Variants in DCAF16 observed in about 807,000 individuals in gnomAD.
DCAF16 encodes the protein DDB1 and CUL4 associated factor 16, also known as DDB1- and CUL4-associated factor 16.
A neutral mutation model predicts 17.3 loss-of-function variants in DCAF16; 10 were observed. The observed-to-expected ratio is 0.58, with a 90% confidence interval of 0.36 to 0.98. The LOEUF (loss-of-function observed/expected upper bound fraction) is 0.98, where lower values mean the gene tolerates loss of function less well. DCAF16 is among the 50% of genes least tolerant of loss of function. The probability of loss-of-function intolerance (pLI) is 0.01; values close to 1 mark genes in which losing one functional copy is unlikely to be tolerated. For synonymous variants in DCAF16, 111 were observed against 92.8 expected, an observed-to-expected ratio of 1.20 and a Z score of -1.12; for missense variants, 249 against 247.6, an observed-to-expected ratio of 1.01 and a Z score of -0.04.
Position 17,802,297 on chromosome 4 carries a change from A to G in DCAF16, c.*1194T>C, listed in dbSNP as rs1235879559. 1.3e-5 allele frequency: 2 copies of G among 152,738 alleles called. No homozygotes were observed. The highest frequency in any genetic ancestry group is 3.9e-4 in the East Asian group (2 of 5,186). The allele number at this position is 152,738 out of a possible 1,614,324, so 9.5% of individuals were successfully genotyped here. ...TGAAATGTTATTTACTCTTGACAAA[A>G]GTCTGAGTACCAAGATTCAGGAAAC... On this transcript the variant is annotated 3_prime_UTR_variant, in exon 3 of 3. Transcript: ENST00000382247.
chr4:17,794,746 T>C, the DCAF16 span, among the ~76,000 whole-genome samples: 2 of 152,224 alleles, frequency 1.3e-5, no homozygotes, highest in East Asian at 1.9e-4. Context: ...TAATTATAGC[T>C]GACAAGACTC....
chr4:17,801,144 T>G lies in DCAF16; in HGVS notation c.*2347A>C, dbSNP rs1345256390. On this transcript the variant is annotated 3_prime_UTR_variant, in exon 3 of 3. Coordinates refer to ENST00000382247, the MANE Select transcript of DCAF16 (RefSeq NM_017741.4). Reference sequence around the variant, plus strand: ...AATTTGTGATTCCTAACCTTTTTTTTTTTTGAGACGGTGTCTCACTGTTGC... The same window carrying G: ...AATTTGTGATTCCTAACCTTTTTTTGTTTTGAGACGGTGTCTCACTGTTGC... 6.6e-6 allele frequency: 1 copy of G among 152,174 alleles called. No individual in the cohort carries two copies. Among genetic ancestry groups the G allele is most frequent in the Non-Finnish European group, 1.5e-5 (1 of 68,044 alleles). The allele number at this position is 152,174 out of a possible 1,614,324, so 9.4% of individuals were successfully genotyped here.
downstream of DCAF16, among the ~76,000 whole-genome samples, chr4:17,799,532 A>G (rs1719595168): frequency 6.6e-6 from 1 of 152,258 alleles, no homozygotes; most frequent in Non-Finnish European, 1.5e-5. Context: ...TCCAAAAGAC[A>G]TATTCTCTAA....
In DCAF16 at chr4:17,803,467, G is replaced by A. The variant is rs1281414777; in HGVS notation, c.*24C>T. ...CACTTTCTCAATTAGCAACATCAGA[G>A]ATATCAGAGCAAATGGTAGATCTTT... On this transcript the variant is annotated 3_prime_UTR_variant, in exon 3 of 3. Transcript: ENST00000382247. 4 of 1,598,584 alleles carry A rather than the reference G, an allele frequency of 2.5e-6. No homozygotes were observed. Among genetic ancestry groups the A allele is most frequent in the East Asian group, 2.2e-5 (1 of 44,770 alleles).
At chr4:17,805,025 A>G (rs1720185092) in intron 2 of DCAF16, 82 bp downstream of exon 2, 3 of 152,002 alleles carry the variant, frequency 2.0e-5, no homozygotes, top group Admixed American at 2.0e-4. Flanking sequence ...TAGCCTAGAA[A>G]ATTACTTTTG....
At chr4:17,808,617 A>C (rs995465428) in intron 1 of DCAF16, among the ~76,000 whole-genome samples, 1 of 152,122 alleles carries the variant, frequency 6.6e-6, no homozygotes, top group South Asian at 2.1e-4. Flanking sequence ...AACAAAACAA[A>C]AAAAAAAACT....
chr4:17,808,739 G>GAAAT (rs1330536422), intron 1 of DCAF16, among the ~76,000 whole-genome samples: 1 of 152,180 alleles, frequency 6.6e-6, no homozygotes, highest in Non-Finnish European at 1.5e-5. Context: ...ATATAGTAAA[G>GAAAT]AAATACTAGC....
At position 17,801,928 on chromosome 4, in the gene DCAF16, C is replaced by T. The variant is rs1407823937; in HGVS notation, c.*1563G>A. ...ACCATCCTGGCTAACACGGTGAAAC[C>T]CTGTCTCTACTAAAAATACAAAAAA... On this transcript the variant is annotated 3_prime_UTR_variant, in exon 3 of 3. Transcript: ENST00000382247. The T allele has an allele frequency of 6.6e-6, 1 of 151,868 alleles. No homozygotes were observed. The highest frequency in any genetic ancestry group is 2.4e-5 in the African/African-American group (1 of 41,286). 9.4% of individuals were successfully genotyped at this position (151,868 alleles called of 1,614,324 possible). A position where few individuals can be genotyped will look rare whatever the true frequency, so the allele number is the denominator to read the frequency against.
downstream of DCAF16, among the ~76,000 whole-genome samples, chr4:17,798,757 A>G (rs1719552537): frequency 6.6e-6 from 1 of 152,182 alleles, no homozygotes; most frequent in African/African-American, 2.4e-5. Flanking sequence ...TCTCAGTTGC[A>G]AACTTAAGTC....
chr4:17,800,481 TTTC>T (rs35812151), downstream of DCAF16, among the ~76,000 whole-genome samples: 20,330 of 152,198 alleles, frequency 0.13, 1,506 homozygotes, highest in South Asian at 0.26. Flanking sequence ...TATCAGACAT[TTTC>T]TTCTTCAAGT....
At chr4:17,796,765 T>C (rs559226879), downstream of DCAF16, among the ~76,000 whole-genome samples, 1 of 152,278 alleles carries the variant, frequency 6.6e-6, no homozygotes, top group Admixed American at 6.5e-5. Flanking sequence ...TTAAAAAATT[T>C]GTGTTTGCAA....
At chr4:17,800,535 C>T (rs1030853454), downstream of DCAF16, 1 of 152,502 alleles carries the variant, frequency 6.6e-6, no homozygotes, top group Non-Finnish European at 1.5e-5. Context: ...TCCTGTCAGA[C>T]ATACTATATA....
rs1165834647 is a variant in DCAF16 at position 17,803,526 on chromosome 4, T to C, written c.616A>G (p.Lys206Glu). The change falls in exon 3 of 3, where the codon AAG becomes GAG. Residue 206 changes from lysine (K) to glutamate (E), a missense_variant. By Grantham distance (56) the Lys-to-Glu change is moderately conservative. Transcript: ENST00000382247. ...NTTYSYTDFQKAVNKLLTASL is the reference protein window; with the variant it reads ...NTTYSYTDFQEAVNKLLTASL ...GCAGTTAGGAGTTTGTTAACTGCCT[T>C]TTGGAAGTCAGTGTAAGAATAAGTA... 2.5e-6 allele frequency: 4 copies of C among 1,614,048 alleles called. No homozygotes were observed. Among genetic ancestry groups the C allele is most frequent in the Non-Finnish European group, 3.4e-6 (4 of 1,180,008 alleles).
chr4:17,804,081 TTTC>T lies in DCAF16; in HGVS notation c.58_60del (p.Glu20del). On this transcript the variant is annotated inframe_deletion, in exon 3 of 3. Transcript: ENST00000382247. ...GAACTCTCATTTAGGTAACTAATAT[TTTC>T]TTCTTCCTCACTTTCTGATTCTGAC... The T allele has an allele frequency of 6.2e-7, 1 of 1,614,174 alleles. No individual in the cohort carries two copies. Among genetic ancestry groups the T allele is most frequent in the Non-Finnish European group, 8.5e-7 (1 of 1,180,012 alleles).
At chr4:17,809,000 G>C (rs1208784821) in intron 1 of DCAF16, among the ~76,000 whole-genome samples, 1 of 152,164 alleles carries the variant, frequency 6.6e-6, no homozygotes, top group South Asian at 2.1e-4. Context: ...TTGCACTCCA[G>C]CCTGGGCGAC....
At position 17,801,118 on chromosome 4, in the gene DCAF16, C is replaced by T. The variant is rs1350630192; in HGVS notation, c.*2373G>A. 6.6e-6 allele frequency: 1 copy of T among 151,964 alleles called. No individual in the cohort carries two copies. The highest frequency in any genetic ancestry group is 2.4e-5 in the African/African-American group (1 of 41,352). The allele number at this position is 151,964 out of a possible 1,614,324, so 9.4% of individuals were successfully genotyped here. ...TTCTTAAAGTTGCTATATATTTACA[C>T]AATTTGTGATTCCTAACCTTTTTTT... On this transcript the variant is annotated 3_prime_UTR_variant, in exon 3 of 3. Transcript: ENST00000382247.
At chr4:17,808,764 C>T (rs1720557045) in intron 1 of DCAF16, among the ~76,000 whole-genome samples, 1 of 152,230 alleles carries the variant, frequency 6.6e-6, no homozygotes, top group Non-Finnish European at 1.5e-5. Flanking sequence ...CGCGGTGGCT[C>T]ACGCCTGTAA....
the DCAF16 span, among the ~76,000 whole-genome samples, chr4:17,793,838 A>G: frequency 6.6e-6 from 1 of 152,172 alleles, no homozygotes; most frequent in Non-Finnish European, 1.5e-5. Flanking sequence ...TTTACTGTAT[A>G]TTTGTGATTT....
downstream of DCAF16, among the ~76,000 whole-genome samples, chr4:17,798,699 G>C (rs186632399): frequency 4.8e-4 from 73 of 152,304 alleles, 1 homozygote; most frequent in Middle Eastern, 3.4e-3. Flanking sequence ...TGGGAAGCCA[G>C]CAAGTGTCAG....
Sources: allele counts gnomAD v4.1 joint callset (sites outside exome capture counted in the v4.1 genomes callset), GRCh38; gene constraint gnomAD v4.1.1; transcripts MANE v1.5; gene names NCBI Gene and HGNC (gene_info 2026-07-23, HGNC 2026-07-21).